PLXND1: variants seen among roughly 807,000 people sequenced by gnomAD.
PLXND1 encodes plexin-D1.
In PLXND1, 54 loss-of-function variants were observed where a neutral mutation model predicts 197.7. The ratio of observed to expected loss-of-function variants is 0.27; its 90% CI spans 0.22 to 0.34. The LOEUF is 0.34. Ranked by LOEUF, PLXND1 falls within the 10% of genes least tolerant of loss-of-function variation. The probability of loss-of-function intolerance (pLI) is 1.00; values close to 1 mark genes in which losing one functional copy is unlikely to be tolerated. For synonymous variants in PLXND1, 1,180 were observed against 1,161.2 expected, an observed-to-expected ratio of 1.02 and a Z score of -0.33; for missense variants, 2,127 against 2,699.2, an observed-to-expected ratio of 0.79 and a Z score of 4.70.
At chr3:129,576,883 A>G (rs1405854353) in intron 9 of PLXND1, among the ~76,000 whole-genome samples, 2 of 152,154 alleles carry the variant, frequency 1.3e-5, no homozygotes, top group African/African-American at 4.8e-5. Flanking sequence ...TGGCCTTCTC[A>G]GGAGCAGCAC....
Position 129,556,361 on chromosome 3 carries a change from A to G in PLXND1, c.5729T>C (p.Val1910Ala). Residue 1910 changes from valine to alanine, a missense_variant, in exon 36 of 36, where the codon GTG becomes GCG. Transcript: ENST00000324093. ...GATGTTGTCCTCCATCAAAGCCACC[A>G]CCTGCTCAAACTTGTGCTGCAGTTG... is the stretch of plus-strand genomic sequence containing the variant. ...RTQLQHKFEQVVALMEDNIYE... is the reference protein window; with the variant it reads ...RTQLQHKFEQAVALMEDNIYE... 6.2e-7 allele frequency: 1 copy of G among 1,613,990 alleles called. No homozygotes were observed. The highest frequency in any genetic ancestry group is 8.5e-7 in the Non-Finnish European group (1 of 1,179,964).
rs1199490689 is a variant in PLXND1, at chr3:129,565,867, C to A, written c.4322+20G>T. 6.2e-7 allele frequency: 1 copy of A among 1,612,646 alleles called. No homozygotes were observed. Among genetic ancestry groups the A allele is most frequent in the Non-Finnish European group, 8.5e-7 (1 of 1,179,206 alleles). ...ACAGGCTCCTCTTCCCTACCCCACC[C>A]CAGTCTGTCACAGCCTGACCTGTCG... On this transcript the variant is annotated intron_variant, in intron 24 of 35. Transcript: ENST00000324093.
chr3:129,604,424 T>A (rs2085754751), intron 1 of PLXND1, among the ~76,000 whole-genome samples: 1 of 152,236 alleles, frequency 6.6e-6, no homozygotes, highest in East Asian at 1.9e-4. Context: ...AACTGTGTGA[T>A]CCTCAGCAAG....
chr3:129,583,423 C>G lies in PLXND1; in HGVS notation c.2241+144G>C, dbSNP rs189011762. On this transcript the variant is annotated intron_variant, in intron 8 of 35. Coordinates refer to ENST00000324093, the MANE Select transcript of PLXND1 (RefSeq NM_015103.3). ...ACTATAGGGCATGGGTTAAACGCACCGTGGTATGTGATGAGCCCCATATAG... is the reference window on the plus strand; with the variant it reads ...ACTATAGGGCATGGGTTAAACGCACGGTGGTATGTGATGAGCCCCATATAG... The G allele has an allele frequency of 2.3e-5, 14 of 605,374 alleles. No individual in the cohort carries two copies. The East Asian group carries it at 4.0e-4, about 17-fold the overall frequency. 37.5% of individuals were successfully genotyped at this position (605,374 alleles called of 1,614,324 possible). A position where few individuals can be genotyped will look rare whatever the true frequency, so the allele number is the denominator to read the frequency against.
intron 1 of PLXND1, among the ~76,000 whole-genome samples, chr3:129,599,260 C>T (rs563286258): frequency 1.3e-5 from 2 of 152,346 alleles, no homozygotes; most frequent in East Asian, 1.9e-4. Context: ...GCGTTTCTGC[C>T]GGGCCCGATG....
chr3:129,606,400 A>G lies in PLXND1; in HGVS notation c.240T>C (p.Tyr80=). The change falls in exon 1 of 36, where the codon TAT becomes TAC. Residue 80 remains tyrosine (Y), a synonymous_variant. Transcript: ENST00000324093. The part of the protein sequence containing the change: ...TVYLAAVNRL[Y]QLSGANLSLE... ...GGCTCAGGTTGGCGCCCGACAGCTGATAGAGGCGGTTGACGGCCGCCAGGT... is the reference window on the plus strand; with the variant it reads ...GGCTCAGGTTGGCGCCCGACAGCTGGTAGAGGCGGTTGACGGCCGCCAGGT... The G allele has an allele frequency of 1.4e-6, 2 of 1,478,354 alleles. No individual in the cohort carries two copies. Among genetic ancestry groups the G allele is most frequent in the Admixed American group, 2.4e-5 (1 of 41,418 alleles). The allele number at this position is 1,478,354 out of a possible 1,614,324, so 91.6% of individuals were successfully genotyped here.
At chr3:129,560,589 A>T in intron 30 of PLXND1, 100 bp downstream of exon 30, 1 of 1,035,582 alleles carries the variant, frequency 9.7e-7, no homozygotes, top group Non-Finnish European at 1.5e-6. Context: ...AGCCTTTCGC[A>T]GGGCTGGGAG....
chr3:129,592,233 C>T (rs890231650), intron 1 of PLXND1, among the ~76,000 whole-genome samples: 1 of 152,178 alleles, frequency 6.6e-6, no homozygotes, highest in East Asian at 1.9e-4. Flanking sequence ...TCCCCAGCTG[C>T]CCCAACCAGG....
At chr3:129,573,931 G>A (rs1459009671) in intron 12 of PLXND1, among the ~76,000 whole-genome samples, 186 bp from the exon 13 acceptor site, 2 of 152,228 alleles carry the variant, frequency 1.3e-5, no homozygotes, top group Non-Finnish European at 2.9e-5. Context: ...CAAGGAGGAT[G>A]TGGGTGTGCA....
intron 2 of PLXND1, among the ~76,000 whole-genome samples, chr3:129,588,108 A>T (rs528095631): frequency 7.2e-5 from 11 of 152,310 alleles, no homozygotes; most frequent in Non-Finnish European, 1.6e-4. Flanking sequence ...GGTTGGCTGG[A>T]GACAGAGGCC....
In PLXND1 at chr3:129,585,955, G is replaced by A. The variant is rs1185474462; in HGVS notation, c.1848C>T (p.Tyr616=). ...LPSEIDVRQE[Y]PGMILQISGS... ...TCTTGCCTCCCCCAGGACTCACTGG[G>A]TACTCCTGGCGCACATCGATCTCGG... The change falls in exon 5 of 36, where the codon TAC becomes TAT. Residue 616 remains tyrosine, a synonymous_variant. Coordinates refer to ENST00000324093, the MANE Select transcript of PLXND1 (RefSeq NM_015103.3). The A allele has an allele frequency of 1.9e-6, 3 of 1,613,904 alleles. No individual in the cohort carries two copies. Among genetic ancestry groups the A allele is most frequent in the Non-Finnish European group, 2.5e-6 (3 of 1,180,012 alleles).
At chr3:129,578,824 G>T (rs987664506) in intron 8 of PLXND1, among the ~76,000 whole-genome samples, 1 of 152,172 alleles carries the variant, frequency 6.6e-6, no homozygotes, top group Non-Finnish European at 1.5e-5. Context: ...CACTCCCTGA[G>T]ATGCCCCCAG....
At chr3:129,560,930 C>T (rs183987166) in intron 29 of PLXND1, 14 of 671,946 alleles carry the variant, frequency 2.1e-5, no homozygotes, top group East Asian at 2.9e-5. Context: ...GATGCAGAGA[C>T]GCATGGGGAG....
chr3:129,595,016 T>C (rs1022889373), intron 1 of PLXND1, among the ~76,000 whole-genome samples: 1 of 152,132 alleles, frequency 6.6e-6, no homozygotes, highest in African/African-American at 2.4e-5. Context: ...CTGTGGCCTC[T>C]CTCAGCCCCC....
intron 24 of PLXND1, 50 bp from the exon 25 acceptor site, chr3:129,565,588 T>C (rs1409845039): frequency 1.3e-6 from 2 of 1,506,408 alleles, no homozygotes; most frequent in Non-Finnish European, 1.8e-6. Flanking sequence ...CTAGGAGCTG[T>C]GGGTCCCAGG....
At chr3:129,565,647 T>TGTGG (rs2085128765) in intron 24 of PLXND1, 109 bp from the exon 25 acceptor site, 1 of 1,031,676 alleles carries the variant, frequency 9.7e-7, no homozygotes, top group Non-Finnish European at 1.4e-6. Flanking sequence ...GGAGTGCCTG[T>TGTGG]GTGGGTGGGT....
intron 32 of PLXND1, 155 bp downstream of exon 32, chr3:129,559,463 CAG>C (rs900371712): frequency 4.9e-5 from 30 of 608,862 alleles, no homozygotes; most frequent in Middle Eastern, 4.5e-4. Context: ...AACTGAAGCA[CAG>C]AGAGGCTAAG....
intron 29 of PLXND1, 162 bp from the exon 30 acceptor site, chr3:129,560,885 A>C: frequency 1.4e-6 from 1 of 690,060 alleles, no homozygotes; most frequent in Admixed American, 2.0e-5. Flanking sequence ...ACGGAGACAG[A>C]GATCCAAAGA....
At chr3:129,570,343 G>A (rs1223643446) in intron 19 of PLXND1, among the ~76,000 whole-genome samples, 1 of 152,174 alleles carries the variant, frequency 6.6e-6, no homozygotes, top group Non-Finnish European at 1.5e-5. Context: ...TGGGACTGAG[G>A]TGCAGGTGAA....
Sources: allele counts gnomAD v4.1 joint callset (sites outside exome capture counted in the v4.1 genomes callset), GRCh38; gene constraint gnomAD v4.1.1; transcripts MANE v1.5; gene names NCBI Gene and HGNC (gene_info 2026-07-23, HGNC 2026-07-21).